Variants in AOC2 observed in about 807,000 individuals in gnomAD.
AOC2 encodes amine oxidase copper containing 2.
Under a neutral mutation model 53.8 loss-of-function variants are expected in AOC2, and 57 were observed. The ratio of observed to expected loss-of-function variants is 1.06; its 90% CI spans 0.86 to 1.32. AOC2 has a LOEUF of 1.32. Ranked by LOEUF, AOC2 falls within the 40% of genes most tolerant of loss-of-function variation. The probability of loss-of-function intolerance (pLI) is 0.00; values close to 1 mark genes in which losing one functional copy is unlikely to be tolerated. For missense variants in AOC2, 1,008 were observed against 957.2 expected (o/e 1.05, Z -0.70); for synonymous variants, 404 against 399.0 (o/e 1.01, Z -0.15).
In AOC2 at chr17:42,844,804, A is replaced by G; in HGVS notation, c.178A>G (p.Ser60Gly). The G allele has an allele frequency of 6.2e-7, 1 of 1,614,068 alleles. No individual in the cohort carries two copies. Among genetic ancestry groups the G allele is most frequent in the Non-Finnish European group, 8.5e-7 (1 of 1,179,954 alleles). ...CCAGAGCCAGCTGTTTGCAGACCTGAGCCGAGAGGAGTTGACAGCTGTGAT... is the reference window on the plus strand; with the variant it reads ...CCAGAGCCAGCTGTTTGCAGACCTGGGCCGAGAGGAGTTGACAGCTGTGAT... Reference protein sequence around the residue: ...PGQSQLFADLSREELTAVMRF... With the variant: ...PGQSQLFADLGREELTAVMRF... Residue 60 changes from serine to glycine, a missense_variant, in exon 1 of 4, where the codon AGC becomes GGC. Coordinates refer to ENST00000253799, the MANE Select transcript of AOC2 (RefSeq NM_009590.4).
rs750530050 is a variant in AOC2, at chr17:42,849,078, C to T, written c.1589-8C>T. The stretch of plus-strand genomic sequence containing the variant: ...GTGGAACTCATCTCCTTTCCCTCCC[C>T]CTGGCAGGGCTGAAAAACTGGGTGG... On this transcript the variant is annotated splice_polypyrimidine_tract_variant and splice_region_variant and intron_variant, in intron 1 of 3. Coordinates refer to ENST00000253799, the MANE Select transcript of AOC2 (RefSeq NM_009590.4). 1 of 1,604,186 alleles carries T rather than the reference C, an allele frequency of 6.2e-7. No individual in the cohort carries two copies. Among genetic ancestry groups the T allele is most frequent in the Admixed American group, 1.7e-5 (1 of 59,540 alleles).
At position 42,850,679 on chromosome 17, in the gene AOC2, G is replaced by A. The variant is rs1490262483; in HGVS notation, c.*331G>A. On this transcript the variant is annotated 3_prime_UTR_variant, in exon 4 of 4. Coordinates refer to ENST00000253799, the MANE Select transcript of AOC2 (RefSeq NM_009590.4). The stretch of plus-strand genomic sequence containing the variant: ...GAATTTTGTAAAACAGATGTTGTAT[G>A]TAATTTATAATAAAAAGTATTAGAG... 1.9e-5 allele frequency: 4 copies of A among 209,490 alleles called. No homozygotes were observed. The South Asian group carries it at 6.1e-4, about 32-fold the overall frequency. The allele number at this position is 209,490 out of a possible 1,614,324, so 13.0% of individuals were successfully genotyped here.
intron 1 of AOC2, among the ~76,000 whole-genome samples, chr17:42,847,815 CTG>C (rs989518062): frequency 2.0e-5 from 3 of 151,122 alleles, no homozygotes; most frequent in African/African-American, 7.3e-5. Flanking sequence ...GAGTCTCACT[CTG>C]TTGCCCAGGC....
At chr17:42,848,065 C>CTTTTTTTTTTTTTTTTTTT (rs61450612) in intron 1 of AOC2, among the ~76,000 whole-genome samples, 2 of 101,374 alleles carry the variant, frequency 2.0e-5, no homozygotes, top group Non-Finnish European at 3.6e-5. Context: ...CATGCCCGGC[C>CTTTTTTTTTTTTTTTTTTT]TTTTTTTTTT....
rs761810380 is a variant in AOC2 at position 42,846,046 on chromosome 17, T to C, written c.1420T>C (p.Tyr474His). Residue 474 changes from tyrosine (Y) to histidine (H), a missense_variant, in exon 1 of 4, where the codon TAC becomes CAC. Tyr to His is a moderately conservative substitution (Grantham distance 83). Transcript: ENST00000253799. ...NYDYIWDFVL[Y>H]PNGALEGRVH... ...TGACTACATTTGGGACTTTGTGTTG[T>C]ACCCAAATGGGGCACTTGAAGGGCG... 9.3e-6 allele frequency: 15 copies of C among 1,611,262 alleles called. No individual in the cohort carries two copies. The highest frequency in any genetic ancestry group is 1.3e-5 in the Non-Finnish European group (15 of 1,177,658).
Position 42,844,864 on chromosome 17 carries a change from G to C in AOC2, c.238G>C (p.Val80Leu). Residue 80 changes from valine (V) to leucine (L), a missense_variant, in exon 1 of 4, where the codon GTG becomes CTG. Val to Leu is a conservative substitution (Grantham distance 32, BLOSUM62 1). Transcript: ENST00000253799. The part of the protein sequence containing the change: ...FLTQRLGPGL[V>L]DAAQAQPSDN... ...GACCCAGCGGCTGGGGCCAGGGCTG[G>C]TGGACGCAGCCCAGGCTCAGCCCTC... The C allele has an allele frequency of 6.2e-7, 1 of 1,612,360 alleles. No homozygotes were observed. The highest frequency in any genetic ancestry group is 8.5e-7 in the Non-Finnish European group (1 of 1,178,782).
Position 42,848,041 on chromosome 17 carries a change from G to A in AOC2, c.1589-1045G>A, listed in dbSNP as rs144419986. On this transcript the variant is annotated intron_variant, in intron 1 of 3. Coordinates refer to ENST00000253799, the MANE Select transcript of AOC2 (RefSeq NM_009590.4). ...GATCCACTCGCCTCGGCTTCCCAAA[G>A]TGCTGTGAGCTACCATGCCCGGCCT... is the stretch of plus-strand genomic sequence containing the variant. Among the ~76,000 whole-genome samples the A allele has an allele frequency of 9.8e-4, 143 of 145,376 alleles. No homozygotes were observed. In the East Asian group the frequency reaches 0.028, roughly 28 times the overall value.
In AOC2 at chr17:42,845,222, G is replaced by A. The variant is rs374576376; in HGVS notation, c.596G>A (p.Gly199Asp). The A allele has an allele frequency of 2.5e-6, 4 of 1,614,006 alleles. No homozygotes were observed. The highest frequency in any genetic ancestry group is 3.4e-6 in the Non-Finnish European group (4 of 1,180,022). The change falls in exon 1 of 4, where the codon GGC (glycine) becomes GAC (aspartate). Residue 199 changes from glycine (G) to aspartate (D), a missense_variant. Physicochemically the swap from Gly to Asp is moderately conservative, Grantham distance 94. Coordinates refer to ENST00000253799, the MANE Select transcript of AOC2 (RefSeq NM_009590.4). ...CTGTCGTCCACCTTCAACTACAATGGCTCTACCCTGGCAGCTGTGCATGCC... is the reference window on the plus strand; with the variant it reads ...CTGTCGTCCACCTTCAACTACAATGACTCTACCCTGGCAGCTGTGCATGCC... Reference protein sequence around the residue: ...IFLSSTFNYNGSTLAAVHATP... With the variant: ...IFLSSTFNYNDSTLAAVHATP...
At chr17:42,846,306 A>G in intron 1 of AOC2, 92 bp downstream of exon 1, 1 of 1,398,476 alleles carries the variant, frequency 7.2e-7, no homozygotes, top group Non-Finnish European at 9.5e-7. Context: ...AAGCTGAAAT[A>G]ACAAGTGGCA....
At position 42,844,811 on chromosome 17, in the gene AOC2, A is replaced by G. The variant is rs774832308; in HGVS notation, c.185A>G (p.Glu62Gly). The change falls in exon 1 of 4, where the codon GAG becomes GGG. Residue 62 changes from glutamate (E) to glycine (G), a missense_variant. Glu to Gly is a moderately conservative substitution (Grantham distance 98, BLOSUM62 -2). Coordinates refer to ENST00000253799, the MANE Select transcript of AOC2 (RefSeq NM_009590.4). ...QSQLFADLSR[E>G]ELTAVMRFLT... ...CAGCTGTTTGCAGACCTGAGCCGAGAGGAGTTGACAGCTGTGATGCGCTTT... is the reference window on the plus strand; with the variant it reads ...CAGCTGTTTGCAGACCTGAGCCGAGGGGAGTTGACAGCTGTGATGCGCTTT... The G allele has an allele frequency of 5.6e-6, 9 of 1,613,832 alleles. No homozygotes were observed. In the South Asian group the frequency reaches 9.9e-5, roughly 18 times the overall value.
chr17:42,847,108 T>A (rs1157958754), intron 1 of AOC2, among the ~76,000 whole-genome samples: 1 of 152,232 alleles, frequency 6.6e-6, no homozygotes, highest in Non-Finnish European at 1.5e-5. Flanking sequence ...CTTGCACTTG[T>A]GTTCGCAGTG....
In AOC2 at chr17:42,849,499, A is replaced by C. The variant is rs1597963944; in HGVS notation, c.1875-102A>C. On this transcript the variant is annotated intron_variant, in intron 2 of 3. Transcript: ENST00000253799. The stretch of plus-strand genomic sequence containing the variant: ...CTCCCCTCAAACCCAAGTTAGATAC[A>C]CGGTGGGAAATGGTCTCACACAGAA... 4 of 1,592,142 alleles carry C rather than the reference A, an allele frequency of 2.5e-6. No individual in the cohort carries two copies. In the East Asian group the frequency reaches 9.0e-5, roughly 36 times the overall value.
At position 42,848,425 on chromosome 17, in the gene AOC2, T is replaced by C. The variant is rs112626032; in HGVS notation, c.1589-661T>C. On this transcript the variant is annotated intron_variant, in intron 1 of 3. Transcript: ENST00000253799. ...GTGCTAATAGAACTTTCTGTAGTGA[T>C]AGAAATATTCCGTATTTGAGCTGTG... Among the ~76,000 whole-genome samples the C allele has an allele frequency of 3.3e-5, 5 of 151,282 alleles. 1 individual carries two copies. Among genetic ancestry groups the C allele is most frequent in the African/African-American group, 1.2e-4 (5 of 41,040 alleles).
intron 1 of AOC2, among the ~76,000 whole-genome samples, chr17:42,848,489 G>A (rs1378352675): frequency 1.4e-5 from 2 of 148,056 alleles, no homozygotes; most frequent in Non-Finnish European, 3.0e-5. Context: ...TGGCAACTGG[G>A]CACTTCAAGT....
At chr17:42,846,365 C>CTGTT in intron 1 of AOC2, 151 bp downstream of exon 1, 1 of 856,454 alleles carries the variant, frequency 1.2e-6, no homozygotes. Flanking sequence ...AGGGCAGGGA[C>CTGTT]TGTTTGAGCA....
rs745766844 is a variant in AOC2 at position 42,850,389 on chromosome 17, T to G, written c.*41T>G. The G allele has an allele frequency of 2.1e-5, 32 of 1,526,304 alleles. No homozygotes were observed. The highest frequency in any genetic ancestry group is 2.7e-5 in the Non-Finnish European group (31 of 1,135,728). The allele number at this position is 1,526,304 out of a possible 1,614,324, so 94.5% of individuals were successfully genotyped here. ...GGGCGGCGTGGTTAGGCACATGTAC[T>G]TTTCCCTGTTTCTACTTTCTATTCT... On this transcript the variant is annotated 3_prime_UTR_variant, in exon 4 of 4. Transcript: ENST00000253799.
At position 42,845,111 on chromosome 17, in the gene AOC2, A is replaced by G. The variant is rs2055582348; in HGVS notation, c.485A>G (p.Tyr162Cys). ...TVERHGGPLPYHRRPVLRAEF... is the reference protein window; with the variant it reads ...TVERHGGPLPCHRRPVLRAEF... Reference sequence around the variant, plus strand: ...GAGCGTCACGGCGGGCCCCTGCCCTATCACCGTCGCCCGGTGCTGAGAGCT... The same window carrying G: ...GAGCGTCACGGCGGGCCCCTGCCCTGTCACCGTCGCCCGGTGCTGAGAGCT... Residue 162 changes from tyrosine to cysteine, a missense_variant, in exon 1 of 4, where the codon TAT (tyrosine) becomes TGT (cysteine). Coordinates refer to ENST00000253799, the MANE Select transcript of AOC2 (RefSeq NM_009590.4). 1.9e-6 allele frequency: 3 copies of G among 1,613,628 alleles called. No individual in the cohort carries two copies. The highest frequency in any genetic ancestry group is 2.5e-6 in the Non-Finnish European group (3 of 1,180,018).
chr17:42,845,267 CAG>C lies in AOC2; in HGVS notation c.642_643del (p.Asp216ProfsTer10), dbSNP rs1175606984. The C allele has an allele frequency of 2.5e-6, 4 of 1,614,140 alleles. No homozygotes were observed. Among genetic ancestry groups the C allele is most frequent in the East Asian group, 2.2e-5 (1 of 44,882 alleles). ...CATGCCACCCCTCGGGGCTTGCGCT[CAG>C]GGGACCGAGCTACCTGGATGGCCCT... On this transcript the variant is annotated frameshift_variant, in exon 1 of 4. Coordinates refer to ENST00000253799, the MANE Select transcript of AOC2 (RefSeq NM_009590.4). LOFTEE classifies it high-confidence loss of function.
intron 1 of AOC2, among the ~76,000 whole-genome samples, chr17:42,847,213 T>C (rs2055606322): frequency 6.6e-6 from 1 of 152,196 alleles, no homozygotes; most frequent in Non-Finnish European, 1.5e-5. Flanking sequence ...GTCTTCTGAT[T>C]GGAAGTTTTT....
Sources: gnomAD v4.1 joint callset for allele counts (sites outside exome capture counted in the v4.1 genomes callset) on GRCh38, gnomAD v4.1.1 for gene constraint, MANE v1.5 for transcripts, NCBI Gene and HGNC (gene_info 2026-07-23, HGNC 2026-07-21) for gene names.